Variants in TATDN1 observed in about 807,000 individuals in gnomAD.
TATDN1 encodes the protein TatD DNase domain containing 1.
A neutral mutation model predicts 46.4 loss-of-function variants in TATDN1; 40 were observed. That is an observed-to-expected ratio of 0.86 (90% CI 0.67 to 1.12). The LOEUF (loss-of-function observed/expected upper bound fraction) is 1.12, where lower values mean the gene tolerates loss of function less well. TATDN1 is among the 50% of genes most tolerant of loss of function. The pLI is 0.00. For missense variants in TATDN1, 326 were observed against 348.4 expected, an observed-to-expected ratio of 0.94 and a Z score of 0.51; for synonymous variants, 95 against 105.6, an observed-to-expected ratio of 0.90 and a Z score of 0.62.
intron 1 of TATDN1, among the ~76,000 whole-genome samples, chr8:124,534,140 C>T (rs1181741184): frequency 2.6e-5 from 2 of 77,742 alleles, no homozygotes; most frequent in Non-Finnish European, 2.2e-5. Flanking sequence ...AGCGAGACTC[C>T]GTCTCAAAAA....
At chr8:124,498,988 T>C (rs943516946) in intron 9 of TATDN1, among the ~76,000 whole-genome samples, 1 of 142,638 alleles carries the variant, frequency 7.0e-6, no homozygotes, top group East Asian at 2.1e-4. Flanking sequence ...GAGATGGGGG[T>C]CTCATTATGT....
intron 9 of TATDN1, chr8:124,503,916 C>T (rs2131396564): frequency 7.7e-7 from 1 of 1,296,226 alleles, no homozygotes; most frequent in South Asian, 1.2e-5. Context: ...ACCGTTCGTC[C>T]ATAGTCAGAT....
intron 6 of TATDN1, among the ~76,000 whole-genome samples, chr8:124,510,768 G>A (rs560164025): frequency 6.6e-6 from 1 of 152,222 alleles, no homozygotes; most frequent in South Asian, 2.1e-4. Flanking sequence ...AGGCTGCGGT[G>A]AGCCATGATC....
chr8:124,490,828 G>A (rs1816930051), intron 11 of TATDN1, among the ~76,000 whole-genome samples: 1 of 151,302 alleles, frequency 6.6e-6, no homozygotes, highest in African/African-American at 2.4e-5. Context: ...CTCACTGTGT[G>A]TGATCACACA....
intron 6 of TATDN1, among the ~76,000 whole-genome samples, chr8:124,511,209 A>T (rs1278794056): frequency 6.6e-6 from 1 of 152,226 alleles, no homozygotes; most frequent in Non-Finnish European, 1.5e-5. Context: ...TGCTTCTTAC[A>T]GTTGAGGTTT....
At chr8:124,518,307 G>A (rs1269809547) in intron 4 of TATDN1, among the ~76,000 whole-genome samples, 17 of 147,650 alleles carry the variant, frequency 1.2e-4, no homozygotes, top group South Asian at 4.3e-4. Flanking sequence ...GGTGGATCAC[G>A]AGGTCAGGAG....
intron 4 of TATDN1, among the ~76,000 whole-genome samples, chr8:124,518,579 C>T (rs913523334): frequency 1.6e-4 from 24 of 150,762 alleles, no homozygotes; most frequent in African/African-American, 5.8e-4. Flanking sequence ...GAACTTTATT[C>T]TCATTAGCTG....
intron 9 of TATDN1, among the ~76,000 whole-genome samples, chr8:124,496,284 C>A (rs1183291097): frequency 6.6e-6 from 1 of 152,186 alleles, no homozygotes; most frequent in Non-Finnish European, 1.5e-5. Flanking sequence ...CTCCCACTCT[C>A]AAAATTCTAC....
At chr8:124,510,782 C>T (rs528983489) in intron 6 of TATDN1, among the ~76,000 whole-genome samples, 2 of 152,248 alleles carry the variant, frequency 1.3e-5, no homozygotes, top group East Asian at 3.9e-4. Flanking sequence ...CATGATCACA[C>T]CACTGCACTC....
At chr8:124,537,509 G>C (rs1010248462) in intron 1 of TATDN1, among the ~76,000 whole-genome samples, 5 of 152,190 alleles carry the variant, frequency 3.3e-5, no homozygotes, top group African/African-American at 1.2e-4. Flanking sequence ...ATCCTGAGGA[G>C]CGTAAATGAA....
At chr8:124,524,054 A>T (rs1356434092) in intron 1 of TATDN1, among the ~76,000 whole-genome samples, 17 of 152,194 alleles carry the variant, frequency 1.1e-4, no homozygotes, top group Non-Finnish European at 5.9e-5. Flanking sequence ...GGTGGTAGGC[A>T]GCTGATTACC....
chr8:124,509,576 T>C (rs542179327), intron 6 of TATDN1, among the ~76,000 whole-genome samples: 2 of 152,236 alleles, frequency 1.3e-5, no homozygotes, highest in Non-Finnish European at 2.9e-5. Flanking sequence ...TAAATGTGCT[T>C]ACCTCTTCTA....
chr8:124,495,591 C>A (rs1817396016), intron 9 of TATDN1, 49 bp from the exon 10 acceptor site: 1 of 1,413,304 alleles, frequency 7.1e-7, no homozygotes, highest in Non-Finnish European at 9.7e-7. Flanking sequence ...TTAACGAATA[C>A]CTTTTTTCGT....
chr8:124,491,547 T>C (rs1816993747), intron 11 of TATDN1: 1 of 152,358 alleles, frequency 6.6e-6, no homozygotes, highest in South Asian at 2.1e-4. Flanking sequence ...TTGGACTCTG[T>C]CTGCTTATGT....
In TATDN1 at chr8:124,512,938, G is replaced by A. The variant is rs142355249; in HGVS notation, c.389+2808C>T. Among the ~76,000 whole-genome samples, 17 of 151,616 alleles carry A rather than the reference G, an allele frequency of 1.1e-4. No homozygotes were observed. The East Asian group carries it at 1.9e-3, about 17-fold the overall frequency. ...TGTGTCTTTTTTTTTTCTTTTGAGCGGAATCTTTCTCTGTTGCCCGGGCTG... is the reference window on the plus strand; with the variant it reads ...TGTGTCTTTTTTTTTTCTTTTGAGCAGAATCTTTCTCTGTTGCCCGGGCTG... On this transcript the variant is annotated intron_variant, in intron 6 of 11. Coordinates refer to ENST00000276692, the MANE Select transcript of TATDN1 (RefSeq NM_032026.4).
intron 1 of TATDN1, among the ~76,000 whole-genome samples, chr8:124,534,786 C>G (rs1342066220): frequency 6.6e-6 from 1 of 152,236 alleles, no homozygotes. Context: ...CAATTACAAG[C>G]AGTAGGTTCC....
rs375649000 is a variant in TATDN1 at position 124,499,852 on chromosome 8, C to CT, written c.594-4311dup. ...AGTCACTGCGCCCGGCCCCCATGTT[C>CT]TTTTTTTTTTTGAGACACAGTCTGG... On this transcript the variant is annotated intron_variant, in intron 9 of 11. Coordinates refer to ENST00000276692, the MANE Select transcript of TATDN1 (RefSeq NM_032026.4). Among the ~76,000 whole-genome samples, 781 of 124,810 alleles carry CT rather than the reference C, an allele frequency of 6.3e-3. 7 individuals carry two copies. The highest frequency in any genetic ancestry group is 0.02 in the African/African-American group (689 of 33,684). 81.9% of individuals were successfully genotyped at this position (124,810 alleles called of 152,430 possible). A position where few individuals can be genotyped will look rare whatever the true frequency, so the allele number is the denominator to read the frequency against.
At chr8:124,521,437 TATA>T (rs1460600192) in intron 3 of TATDN1, among the ~76,000 whole-genome samples, 2 of 152,210 alleles carry the variant, frequency 1.3e-5, no homozygotes, top group Non-Finnish European at 2.9e-5. Flanking sequence ...GCAGAGTGAC[TATA>T]ATGAGAAATT....
chr8:124,525,603 A>C (rs1274790716), intron 1 of TATDN1, among the ~76,000 whole-genome samples: 1 of 152,208 alleles, frequency 6.6e-6, no homozygotes, highest in Non-Finnish European at 1.5e-5. Context: ...AAAACCAAAA[A>C]CAAATATGAA....
Sources: allele counts gnomAD v4.1 joint callset (sites outside exome capture counted in the v4.1 genomes callset), GRCh38; gene constraint gnomAD v4.1.1; transcripts MANE v1.5; gene names NCBI Gene and HGNC (gene_info 2026-07-23, HGNC 2026-07-21).